Variants in SGPP1 observed in about 807,000 individuals in gnomAD.
SGPP1 encodes sphingosine-1-phosphate phosphatase 1, also known as hSPP1.
In SGPP1, 21 loss-of-function variants were observed where a neutral mutation model predicts 33.0. The observed-to-expected ratio is 0.64, with a 90% CI of 0.45 to 0.92. SGPP1 has a LOEUF of 0.92. Among genes scored for constraint, SGPP1 ranks in the 40% least tolerant of loss-of-function variants. SGPP1 has a pLI of 0.00. For synonymous variants in SGPP1, 239 were observed against 241.2 expected, an observed-to-expected ratio of 0.99 and a Z score of 0.08; for missense variants, 543 against 589.4, an observed-to-expected ratio of 0.92 and a Z score of 0.81.
intron 2 of SGPP1, among the ~76,000 whole-genome samples, chr14:63,694,603 A>G (rs1025946305): frequency 6.6e-6 from 1 of 152,200 alleles, no homozygotes; most frequent in Non-Finnish European, 1.5e-5. Context: ...ATCCAATAGA[A>G]TCAGAAAAAG....
intron 1 of SGPP1, among the ~76,000 whole-genome samples, chr14:63,724,473 T>A (rs2139657294): frequency 6.6e-6 from 1 of 152,076 alleles, no homozygotes. Context: ...AGGCTTTCAT[T>A]ATTTAATTCT....
intron 1 of SGPP1, among the ~76,000 whole-genome samples, chr14:63,724,798 C>T (rs1885844470): frequency 1.3e-5 from 2 of 150,896 alleles, no homozygotes; most frequent in Non-Finnish European, 3.0e-5. Context: ...TGGTCTCAAT[C>T]TCCTGATTGA....
intron 1 of SGPP1, among the ~76,000 whole-genome samples, chr14:63,700,327 C>T (rs1227512984): frequency 2.0e-5 from 3 of 152,144 alleles, no homozygotes; most frequent in African/African-American, 7.2e-5. Context: ...GCAGTAAACC[C>T]ACTATACCTC....
intron 1 of SGPP1, among the ~76,000 whole-genome samples, chr14:63,717,622 T>C (rs866939823): frequency 1.3e-5 from 2 of 152,104 alleles, no homozygotes; most frequent in Admixed American, 1.3e-4. Context: ...ACACCCGTAC[T>C]GAAATTGGAA....
intron 1 of SGPP1, among the ~76,000 whole-genome samples, chr14:63,719,110 G>A (rs964131936): frequency 2.4e-4 from 32 of 132,732 alleles, no homozygotes; most frequent in African/African-American, 8.1e-4. Context: ...TCACTGCAAC[G>A]TATGCCTCCC....
At chr14:63,720,538 C>A (rs1309551500) in intron 1 of SGPP1, among the ~76,000 whole-genome samples, 1 of 152,052 alleles carries the variant, frequency 6.6e-6, no homozygotes, top group African/African-American at 2.4e-5. Context: ...GCGGGTGGAT[C>A]ACCTGAGGTC....
intron 2 of SGPP1, among the ~76,000 whole-genome samples, chr14:63,694,298 G>A (rs1051658945): frequency 6.6e-6 from 1 of 151,022 alleles, no homozygotes; most frequent in African/African-American, 2.4e-5. Context: ...AAAAAAAAAA[G>A]AAAAAATTCA....
intron 1 of SGPP1, among the ~76,000 whole-genome samples, chr14:63,703,204 A>G (rs530754220): frequency 6.8e-6 from 1 of 147,742 alleles, no homozygotes; most frequent in African/African-American, 2.7e-5. Context: ...TCTACATACC[A>G]GCAATAAAAA....
chr14:63,718,260 A>C (rs1566536264), intron 1 of SGPP1, among the ~76,000 whole-genome samples: 1 of 152,040 alleles, frequency 6.6e-6, no homozygotes, highest in African/African-American at 2.4e-5. Flanking sequence ...AAAAAAAAAA[A>C]AGAAGTGCCA....
rs1303958537 is a variant in SGPP1, at chr14:63,685,852, A to T, written c.*253T>A. 4.7e-6 allele frequency: 1 copy of T among 211,234 alleles called. No homozygotes were observed. The highest frequency in any genetic ancestry group is 2.3e-5 in the African/African-American group (1 of 43,214). The allele number at this position is 211,234 out of a possible 1,614,324, so 13.1% of individuals were successfully genotyped here. ...TATATATAAGTTGAATCCATAATAC[A>T]AAACTCTCCAAACATTACATGAACA... On this transcript the variant is annotated 3_prime_UTR_variant, in exon 3 of 3. Transcript: ENST00000247225.
chr14:63,727,574 C>T lies in SGPP1; in HGVS notation c.371G>A (p.Ser124Asn). ...TGEEGQLARVSNWPLYCLFCF... is the reference protein window; with the variant it reads ...TGEEGQLARVNNWPLYCLFCF... The stretch of plus-strand genomic sequence containing the variant: ...GAACAGGCAGTAGAGCGGCCAGTTG[C>T]TCACGCGGGCCAGCTGGCCCTCCTC... Residue 124 changes from serine to asparagine, a missense_variant, in exon 1 of 3, where the codon AGC becomes AAC. Physicochemically the swap from Ser to Asn is conservative, Grantham distance 46. Coordinates refer to ENST00000247225, the MANE Select transcript of SGPP1 (RefSeq NM_030791.4). 2 of 1,599,234 alleles carry T rather than the reference C, an allele frequency of 1.3e-6. No homozygotes were observed. Among genetic ancestry groups the T allele is most frequent in the East Asian group, 2.3e-5 (1 of 43,362 alleles).
At chr14:63,703,600 C>T (rs1885345272) in intron 1 of SGPP1, among the ~76,000 whole-genome samples, 1 of 139,294 alleles carries the variant, frequency 7.2e-6, no homozygotes, top group Admixed American at 8.0e-5. Flanking sequence ...TTGCAGTGAG[C>T]TGAGATTGCA....
intron 1 of SGPP1, among the ~76,000 whole-genome samples, chr14:63,724,472 T>C (rs1251494537): frequency 6.6e-6 from 1 of 151,986 alleles, no homozygotes; most frequent in Non-Finnish European, 1.5e-5. Flanking sequence ...CAGGCTTTCA[T>C]TATTTAATTC....
intron 1 of SGPP1, among the ~76,000 whole-genome samples, chr14:63,713,946 T>C (rs562439352): frequency 7.3e-4 from 111 of 152,334 alleles, no homozygotes; most frequent in African/African-American, 2.6e-3. Flanking sequence ...AATGTTGGCA[T>C]GCACCATCTA....
intron 1 of SGPP1, among the ~76,000 whole-genome samples, chr14:63,716,616 C>T (rs1053147481): frequency 6.6e-6 from 1 of 152,068 alleles, no homozygotes; most frequent in Admixed American, 6.5e-5. Flanking sequence ...TCCCTTAAAC[C>T]CAAGAGTTCG....
At chr14:63,718,147 C>T (rs936182155) in intron 1 of SGPP1, among the ~76,000 whole-genome samples, 3 of 151,666 alleles carry the variant, frequency 2.0e-5, no homozygotes, top group Non-Finnish European at 4.4e-5. Context: ...ACTTGGGAGG[C>T]TGAGGCAGGA....
Position 63,696,258 on chromosome 14 carries a change from G to C in SGPP1, c.774+2311C>G, listed in dbSNP as rs886523257. Among the ~76,000 whole-genome samples, 10 of 152,236 alleles carry C rather than the reference G, an allele frequency of 6.6e-5. No homozygotes were observed. In the East Asian group the frequency reaches 9.6e-4, roughly 15 times the overall value. ...CCTCTGCACTTCAGCCTGGGTGACAGAGCAAGACTCCATCTCAAAAACAAA... is the reference window on the plus strand; with the variant it reads ...CCTCTGCACTTCAGCCTGGGTGACACAGCAAGACTCCATCTCAAAAACAAA... On this transcript the variant is annotated intron_variant, in intron 2 of 2. Coordinates refer to ENST00000247225, the MANE Select transcript of SGPP1 (RefSeq NM_030791.4).
intron 2 of SGPP1, among the ~76,000 whole-genome samples, chr14:63,697,795 A>C (rs1281226531): frequency 1.3e-5 from 2 of 152,230 alleles, no homozygotes; most frequent in African/African-American, 4.8e-5. Flanking sequence ...GCATTTGTAA[A>C]GTTATGGAGG....
At position 63,712,017 on chromosome 14, in the gene SGPP1, A is replaced by C. The variant is rs535499155; in HGVS notation, c.685-13359T>G. Among the ~76,000 whole-genome samples the C allele has an allele frequency of 2.0e-5, 3 of 150,236 alleles. No individual in the cohort carries two copies. The East Asian group carries it at 5.8e-4, about 29-fold the overall frequency. On this transcript the variant is annotated intron_variant, in intron 1 of 2. Transcript: ENST00000247225. ...TGCACTCCAGCCTGGGCAACAGAGC[A>C]AGACTCCATCTCAAAAAAAAAAAAA...
Sources: gnomAD v4.1 joint callset for allele counts (sites outside exome capture counted in the v4.1 genomes callset) on GRCh38, gnomAD v4.1.1 for gene constraint, MANE v1.5 for transcripts, NCBI Gene and HGNC (gene_info 2026-07-23, HGNC 2026-07-21) for gene names.